Variants in LSAMP observed in about 807,000 individuals in gnomAD.
LSAMP encodes the protein limbic system associated membrane protein.
Under a neutral mutation model 38.6 loss-of-function variants are expected in LSAMP, and 7 were observed. The observed-to-expected ratio is 0.18, with a 90% confidence interval of 0.10 to 0.34. The LOEUF (loss-of-function observed/expected upper bound fraction) is 0.34, where lower values mean the gene tolerates loss of function less well. Among genes scored for constraint, LSAMP ranks in the 10% least tolerant of loss-of-function variants. LSAMP has a pLI of 1.00. For synonymous variants in LSAMP, 154 were observed against 166.8 expected (o/e 0.92, Z 0.59); for missense variants, 313 against 420.0 (o/e 0.75, Z 2.23).
At chr3:115,946,873 G>A (rs917624384) in intron 3 of LSAMP, among the ~76,000 whole-genome samples, 1 of 151,728 alleles carries the variant, frequency 6.6e-6, no homozygotes, top group African/African-American at 2.4e-5. Flanking sequence ...TATAAATGAA[G>A]ACACTAAAAT....
chr3:115,905,560 A>T (rs554240220), intron 3 of LSAMP, among the ~76,000 whole-genome samples: 1 of 152,104 alleles, frequency 6.6e-6, no homozygotes. Context: ...AATTTTTAAT[A>T]TTTGGCCTTT....
intron 3 of LSAMP, among the ~76,000 whole-genome samples, chr3:115,897,387 G>A (rs750709568): frequency 6.6e-6 from 1 of 151,992 alleles, no homozygotes; most frequent in Admixed American, 6.6e-5. Flanking sequence ...TTGACATACA[G>A]TAGGCCCTCA....
chr3:116,419,703 A>G (rs1345215866), intron 1 of LSAMP, among the ~76,000 whole-genome samples: 1 of 152,234 alleles, frequency 6.6e-6, no homozygotes, highest in African/African-American at 2.4e-5. Context: ...CGCAGGGAAA[A>G]GATAAGAAAC....
intron 1 of LSAMP, among the ~76,000 whole-genome samples, chr3:116,093,853 C>G (rs1446293921): frequency 6.6e-6 from 1 of 152,032 alleles, no homozygotes; most frequent in Non-Finnish European, 1.5e-5. Flanking sequence ...AACTTCAATC[C>G]TACAAATAAA....
intron 3 of LSAMP, among the ~76,000 whole-genome samples, chr3:115,989,837 T>G (rs1257961561): frequency 6.6e-6 from 1 of 152,084 alleles, no homozygotes; most frequent in African/African-American, 2.4e-5. Flanking sequence ...ATGACTTAAA[T>G]GAGCACATCC....
At chr3:115,902,178 G>A (rs900259038) in intron 3 of LSAMP, among the ~76,000 whole-genome samples, 3 of 152,028 alleles carry the variant, frequency 2.0e-5, no homozygotes, top group African/African-American at 7.2e-5. Context: ...ATGAGCTCAT[G>A]CATTCTAGAA....
chr3:116,306,819 C>G (rs1241809256), intron 1 of LSAMP, among the ~76,000 whole-genome samples: 2 of 151,952 alleles, frequency 1.3e-5, no homozygotes, highest in African/African-American at 4.8e-5. Flanking sequence ...AGGGGTATAA[C>G]TATAAAAATA....
chr3:115,882,591 A>G (rs1254454090), intron 3 of LSAMP, among the ~76,000 whole-genome samples: 3 of 152,258 alleles, frequency 2.0e-5, no homozygotes, highest in African/African-American at 4.8e-5. Context: ...GAAATGGCAT[A>G]AGAGAGTATA....
intron 1 of LSAMP, among the ~76,000 whole-genome samples, chr3:116,335,884 C>T (rs1413347719): frequency 6.6e-6 from 1 of 151,974 alleles, no homozygotes; most frequent in Non-Finnish European, 1.5e-5. Flanking sequence ...CTTACAGTTT[C>T]TACTCAAGAT....
At chr3:116,435,755 CA>C (rs2049341471) in intron 1 of LSAMP, among the ~76,000 whole-genome samples, 1 of 152,126 alleles carries the variant, frequency 6.6e-6, no homozygotes, top group East Asian at 1.9e-4. Context: ...AATAAATCTA[CA>C]AGGACTATAA....
chr3:116,307,452 A>G (rs1306855555), intron 1 of LSAMP, among the ~76,000 whole-genome samples: 2 of 151,998 alleles, frequency 1.3e-5, no homozygotes, highest in Non-Finnish European at 2.9e-5. Context: ...TGCTGGGTAC[A>G]ATTCTCAAAG....
chr3:115,851,832 C>T (rs1935340192), intron 4 of LSAMP, among the ~76,000 whole-genome samples: 1 of 152,042 alleles, frequency 6.6e-6, no homozygotes, highest in Admixed American at 6.6e-5. Context: ...TATAGATCCT[C>T]CCCCCGCCCA....
intron 1 of LSAMP, among the ~76,000 whole-genome samples, chr3:116,186,746 A>G (rs1324937454): frequency 1.3e-5 from 2 of 152,066 alleles, no homozygotes. Flanking sequence ...CTAAATTAAC[A>G]TTTCTACTTG....
intron 3 of LSAMP, among the ~76,000 whole-genome samples, chr3:115,971,943 C>A (rs1015792269): frequency 1.3e-5 from 2 of 152,078 alleles, no homozygotes; most frequent in South Asian, 4.1e-4. Context: ...TGAGAAGGCA[C>A]ATTTTCCACA....
In LSAMP at chr3:115,810,221, A is replaced by T; in HGVS notation, c.*96T>A. On this transcript the variant is annotated 3_prime_UTR_variant, in exon 7 of 7. Coordinates refer to ENST00000490035, the MANE Select transcript of LSAMP (RefSeq NM_002338.5). ...AGTTGTGAAATAAACGGTCTCCCCCATCTCTCTCTCTCTCTCTCTCTCTGT... is the reference window on the plus strand; with the variant it reads ...AGTTGTGAAATAAACGGTCTCCCCCTTCTCTCTCTCTCTCTCTCTCTCTGT... 2 of 648,422 alleles carry T rather than the reference A, an allele frequency of 3.1e-6. No individual in the cohort carries two copies. The highest frequency in any genetic ancestry group is 5.1e-6 in the Non-Finnish European group (2 of 393,770). 40.2% of individuals were successfully genotyped at this position (648,422 alleles called of 1,614,324 possible). A position where few individuals can be genotyped will look rare whatever the true frequency, so the allele number is the denominator to read the frequency against.
chr3:116,114,104 C>T (rs958943364), intron 1 of LSAMP, among the ~76,000 whole-genome samples: 4 of 152,138 alleles, frequency 2.6e-5, no homozygotes, highest in Admixed American at 1.3e-4. Context: ...GCTAACCAAC[C>T]AAAGGACCCC....
chr3:116,087,092 G>A (rs1708007816), intron 1 of LSAMP, among the ~76,000 whole-genome samples: 1 of 152,148 alleles, frequency 6.6e-6, no homozygotes, highest in South Asian at 2.1e-4. Flanking sequence ...AATTGTGTGA[G>A]CAGATCCAAG....
At chr3:115,902,970 G>A (rs1289480717) in intron 3 of LSAMP, among the ~76,000 whole-genome samples, 1 of 152,034 alleles carries the variant, frequency 6.6e-6, no homozygotes, top group African/African-American at 2.4e-5. Context: ...CCTTCAACCA[G>A]CAATCCCATT....
At chr3:116,004,650 A>G (rs1332557503) in intron 3 of LSAMP, among the ~76,000 whole-genome samples, 1 of 151,548 alleles carries the variant, frequency 6.6e-6, no homozygotes, top group Non-Finnish European at 1.5e-5. Context: ...GTATATACAT[A>G]TATGTATATA....
Sources: allele counts gnomAD v4.1 joint callset (sites outside exome capture counted in the v4.1 genomes callset), GRCh38; gene constraint gnomAD v4.1.1; transcripts MANE v1.5; gene names NCBI Gene and HGNC (gene_info 2026-07-23, HGNC 2026-07-21).